DCC: variants seen among roughly 807,000 people sequenced by gnomAD.
The protein encoded by DCC is netrin receptor DCC.
In DCC, 58 loss-of-function variants were observed where a neutral mutation model predicts 172.5. The ratio of observed to expected loss-of-function variants is 0.34; its 90% CI spans 0.27 to 0.42. The LOEUF is 0.42. Among genes scored for constraint, DCC ranks in the 10% least tolerant of loss-of-function variants. The pLI is 1.00. For synonymous variants in DCC, 709 were observed against 644.5 expected (o/e 1.10, Z -1.52); for missense variants, 1,740 against 1,791.0 (o/e 0.97, Z 0.51).
chr18:53,257,346 G>T (rs943211102), intron 12 of DCC, among the ~76,000 whole-genome samples: 2 of 152,028 alleles, frequency 1.3e-5, no homozygotes, highest in African/African-American at 4.8e-5. Context: ...ATTGGCTGTG[G>T]GTTTGTCATA....
At chr18:52,864,464 C>T (rs758075614) in intron 2 of DCC, among the ~76,000 whole-genome samples, 24 of 152,022 alleles carry the variant, frequency 1.6e-4, no homozygotes, top group Admixed American at 4.6e-4. Flanking sequence ...ATTTTGGAGA[C>T]CAATCTAGTT....
At chr18:52,848,166 A>ACCTC (rs540517717) in intron 2 of DCC, among the ~76,000 whole-genome samples, 10 of 149,394 alleles carry the variant, frequency 6.7e-5, no homozygotes, top group Non-Finnish European at 1.5e-4. Context: ...GCTCACTGCA[A>ACCTC]CCTCCGCCTC....
At chr18:53,298,306 C>T (rs540890570) in intron 12 of DCC, among the ~76,000 whole-genome samples, 35 of 151,790 alleles carry the variant, frequency 2.3e-4, no homozygotes, top group African/African-American at 7.7e-4. Flanking sequence ...GGAGGGTGAG[C>T]GGGTGGATCC....
intron 5 of DCC, among the ~76,000 whole-genome samples, chr18:53,046,950 G>T (rs2042246631): frequency 6.6e-6 from 1 of 151,386 alleles, no homozygotes; most frequent in Non-Finnish European, 1.5e-5. Flanking sequence ...GCTTTTCCCA[G>T]GTCTTCCTGT....
At chr18:53,001,763 AT>A (rs764205069) in intron 5 of DCC, among the ~76,000 whole-genome samples, 4 of 151,702 alleles carry the variant, frequency 2.6e-5, no homozygotes, top group African/African-American at 4.8e-5. Context: ...TTTAATCTTA[AT>A]TTTTCTTTGG....
At chr18:52,368,523 C>T (rs1034555489) in intron 1 of DCC, among the ~76,000 whole-genome samples, 2 of 152,200 alleles carry the variant, frequency 1.3e-5, no homozygotes, top group African/African-American at 4.8e-5. Flanking sequence ...GATCCTGTCA[C>T]ACTTAAGTGC....
At chr18:52,479,861 T>C (rs977126027) in intron 1 of DCC, among the ~76,000 whole-genome samples, 3 of 152,136 alleles carry the variant, frequency 2.0e-5, no homozygotes, top group Non-Finnish European at 4.4e-5. Flanking sequence ...GTTTTAACCA[T>C]ACTAAGAGAA....
chr18:52,872,791 G>T (rs1022553230), intron 2 of DCC, among the ~76,000 whole-genome samples: 1 of 152,042 alleles, frequency 6.6e-6, no homozygotes, highest in African/African-American at 2.4e-5. Context: ...TATAAATAGG[G>T]GTTAGTGGCC....
At chr18:52,963,127 A>T (rs937421518) in intron 5 of DCC, among the ~76,000 whole-genome samples, 1 of 151,914 alleles carries the variant, frequency 6.6e-6, no homozygotes, top group Non-Finnish European at 1.5e-5. Flanking sequence ...AAAATAAAAA[A>T]AAGTGAATTA....
intron 7 of DCC, among the ~76,000 whole-genome samples, chr18:53,140,433 C>T (rs1048067970): frequency 2.6e-5 from 4 of 152,026 alleles, no homozygotes; most frequent in Non-Finnish European, 4.4e-5. Context: ...AGCAGAATAA[C>T]GAATGGAGTT....
chr18:52,382,767 G>C (rs562953737), intron 1 of DCC, among the ~76,000 whole-genome samples: 1 of 152,082 alleles, frequency 6.6e-6, no homozygotes, highest in Non-Finnish European at 1.5e-5. Context: ...AGGAGACAGA[G>C]TAAATTGAAT....
chr18:52,377,718 G>C (rs1456593372), intron 1 of DCC, among the ~76,000 whole-genome samples: 1 of 107,458 alleles, frequency 9.3e-6, no homozygotes, highest in African/African-American at 3.8e-5. Context: ...TTTTTTTCTT[G>C]AGACAGAGTT....
At chr18:53,146,670 A>G (rs1473942853) in intron 7 of DCC, among the ~76,000 whole-genome samples, 1 of 152,204 alleles carries the variant, frequency 6.6e-6, no homozygotes, top group Admixed American at 6.5e-5. Context: ...ATTCAAGAAA[A>G]AAAAGGTCAC....
intron 7 of DCC, among the ~76,000 whole-genome samples, chr18:53,106,527 A>G (rs2043250950): frequency 6.6e-6 from 1 of 151,912 alleles, no homozygotes; most frequent in African/African-American, 2.4e-5. Context: ...TCAAGATGTA[A>G]TAAGAGGAGA....
chr18:52,507,573 A>G (rs1330843381), intron 1 of DCC, among the ~76,000 whole-genome samples: 2 of 152,208 alleles, frequency 1.3e-5, no homozygotes, highest in Non-Finnish European at 2.9e-5. Context: ...CTGTACATTT[A>G]CATGAGAAGT....
At chr18:52,785,217 A>G (rs28416202) in intron 2 of DCC, among the ~76,000 whole-genome samples, 8,034 of 152,100 alleles carry the variant, frequency 0.053, 283 homozygotes, top group South Asian at 0.16. Context: ...CATGGCTGAC[A>G]AAGAGAAGGG....
intron 3 of DCC, among the ~76,000 whole-genome samples, chr18:52,915,490 C>T (rs1046995463): frequency 6.6e-6 from 1 of 152,064 alleles, no homozygotes; most frequent in Non-Finnish European, 1.5e-5. Context: ...ATGTTTTAAC[C>T]TTTTTTAAAA....
At chr18:53,463,930 A>G (rs150394967) in intron 24 of DCC, among the ~76,000 whole-genome samples, 7 of 152,340 alleles carry the variant, frequency 4.6e-5, no homozygotes, top group East Asian at 1.9e-4. Flanking sequence ...AACTAATTTT[A>G]TTGAGAGTTA....
chr18:52,493,747 A>G (rs562475803), intron 1 of DCC, among the ~76,000 whole-genome samples: 1 of 152,212 alleles, frequency 6.6e-6, no homozygotes, highest in South Asian at 2.1e-4. Flanking sequence ...TAGAGATATT[A>G]ACATGGGACT....
Sources: gnomAD v4.1 joint callset for allele counts (sites outside exome capture counted in the v4.1 genomes callset) on GRCh38, gnomAD v4.1.1 for gene constraint, MANE v1.5 for transcripts, NCBI Gene and HGNC (gene_info 2026-07-23, HGNC 2026-07-21) for gene names.